UNC5C: variants seen among roughly 807,000 people sequenced by gnomAD.
UNC5C encodes unc-5 netrin receptor C, also known as netrin receptor UNC5C.
UNC5C carries 47 observed loss-of-function variants against 99.8 expected under a neutral mutation model. The ratio of observed to expected loss-of-function variants is 0.47; its 90% confidence interval spans 0.37 to 0.60. The LOEUF is 0.60. UNC5C is among the 20% of genes least tolerant of loss of function. The pLI is 0.00. For missense variants in UNC5C, 1,062 were observed against 1,165.9 expected (o/e 0.91, Z 1.30); for synonymous variants, 487 against 452.2 (o/e 1.08, Z -0.98).
chr4:95,222,282 A>T, intron 7 of UNC5C: 1 of 1,417,974 alleles, frequency 7.1e-7, no homozygotes, highest in Non-Finnish European at 9.3e-7. Flanking sequence ...AAAGAAAAAA[A>T]AATGAAACAA....
chr4:95,242,352 T>C, intron 7 of UNC5C, 77 bp downstream of exon 7: 1 of 1,559,998 alleles, frequency 6.4e-7, no homozygotes, highest in Non-Finnish European at 8.7e-7. Flanking sequence ...TCTTTATTTC[T>C]AATGTTTCCT....
chr4:95,534,206 T>C (rs1245091471), intron 1 of UNC5C, among the ~76,000 whole-genome samples: 1 of 152,184 alleles, frequency 6.6e-6, no homozygotes, highest in Admixed American at 6.5e-5. Context: ...ATAGACCTAC[T>C]TAAAGTGTTT....
At chr4:95,284,213 T>G (rs538836264) in intron 3 of UNC5C, among the ~76,000 whole-genome samples, 2 of 152,262 alleles carry the variant, frequency 1.3e-5, no homozygotes, top group Admixed American at 1.3e-4. Context: ...TAGCTCTGCT[T>G]TTTGACAAAA....
At chr4:95,412,994 G>A (rs1411883175) in intron 1 of UNC5C, among the ~76,000 whole-genome samples, 3 of 152,046 alleles carry the variant, frequency 2.0e-5, no homozygotes, top group Non-Finnish European at 4.4e-5. Flanking sequence ...TCACTTCTGC[G>A]AATTGAACAA....
chr4:95,458,578 G>A (rs539442106), intron 1 of UNC5C, among the ~76,000 whole-genome samples: 1 of 152,046 alleles, frequency 6.6e-6, no homozygotes, highest in East Asian at 1.9e-4. Context: ...TTGAAGAATG[G>A]AAAAGACTTC....
rs745651856 is a variant in UNC5C, at chr4:95,206,678, C to T, written c.1852G>A (p.Glu618Lys). The change falls in exon 11 of 16, where the codon GAG becomes AAG. Residue 618 changes from glutamate to lysine, a missense_variant. Physicochemically the swap from Glu to Lys is moderately conservative, Grantham distance 56. Coordinates refer to ENST00000453304, the MANE Select transcript of UNC5C (RefSeq NM_003728.4). ...TTCTTGAGCAGTATTTTCCAGTCCT[C>T]GGTATTGGGGTCTGCGCAGTGATGC... ...TMHHCADPNT[E>K]DWKILLKNQA... The T allele has an allele frequency of 5.1e-5, 82 of 1,613,976 alleles. No individual in the cohort carries two copies. In the Middle Eastern group the frequency reaches 6.6e-4, roughly 13 times the overall value.
At chr4:95,323,573 A>G (rs1468929910) in intron 2 of UNC5C, among the ~76,000 whole-genome samples, 1 of 152,206 alleles carries the variant, frequency 6.6e-6, no homozygotes, top group African/African-American at 2.4e-5. Context: ...AATGCTCAAA[A>G]GGGTAAAGAA....
intron 3 of UNC5C, among the ~76,000 whole-genome samples, chr4:95,296,848 C>A (rs1013449729): frequency 6.6e-6 from 1 of 152,188 alleles, no homozygotes; most frequent in African/African-American, 2.4e-5. Context: ...AAGTATTTTT[C>A]TTTATAATTA....
Position 95,330,901 on chromosome 4 carries a change from G to A in UNC5C, c.346+4509C>T, listed in dbSNP as rs189702850. ...ATAGTGGTAAAGTCAGGGCTTTTGG[G>A]GTATCCATCACCTGAATAACATACA... On this transcript the variant is annotated intron_variant, in intron 2 of 15. Transcript: ENST00000453304. Among the ~76,000 whole-genome samples, 418 of 151,768 alleles carry A rather than the reference G, an allele frequency of 2.8e-3. 1 individual carries two copies. Among genetic ancestry groups the A allele is most frequent in the African/African-American group, 9.7e-3 (400 of 41,382 alleles).
chr4:95,535,407 G>GA (rs1210389190), intron 1 of UNC5C, among the ~76,000 whole-genome samples: 7 of 152,122 alleles, frequency 4.6e-5, no homozygotes, highest in Non-Finnish European at 8.8e-5. Context: ...AACGTCAAGT[G>GA]AAAAATCATT....
At chr4:95,306,167 C>A (rs6532546) in intron 2 of UNC5C, among the ~76,000 whole-genome samples, 90,089 of 151,582 alleles carry the variant, frequency 0.59, 27,374 homozygotes, top group East Asian at 0.84. Flanking sequence ...CATTACTTAG[C>A]CTTAAGCTCT....
chr4:95,222,231 G>T, intron 7 of UNC5C: 1 of 1,500,828 alleles, frequency 6.7e-7, no homozygotes, highest in Non-Finnish European at 8.8e-7. Context: ...TATTCATTCT[G>T]GGTTCTCTGT....
intron 2 of UNC5C, among the ~76,000 whole-genome samples, chr4:95,334,472 C>A (rs932610993): frequency 1.3e-5 from 2 of 151,838 alleles, no homozygotes; most frequent in African/African-American, 4.8e-5. Context: ...AAATATATGT[C>A]AACATTACAA....
chr4:95,307,198 A>G (rs1398806274), intron 2 of UNC5C, among the ~76,000 whole-genome samples: 1 of 152,118 alleles, frequency 6.6e-6, no homozygotes, highest in Non-Finnish European at 1.5e-5. Flanking sequence ...CTACTATAGC[A>G]GGAAGACATT....
At chr4:95,425,842 T>C (rs1230014690) in intron 1 of UNC5C, among the ~76,000 whole-genome samples, 2 of 152,226 alleles carry the variant, frequency 1.3e-5, no homozygotes, top group Non-Finnish European at 2.9e-5. Flanking sequence ...ATTCATACCA[T>C]TAAGTACTGT....
intron 1 of UNC5C, among the ~76,000 whole-genome samples, chr4:95,533,828 A>G (rs1410878387): frequency 6.6e-6 from 1 of 152,236 alleles, no homozygotes; most frequent in Non-Finnish European, 1.5e-5. Context: ...ATAGCCTGAA[A>G]GAAGGGATTC....
chr4:95,191,658 G>A (rs1177638765), intron 12 of UNC5C, among the ~76,000 whole-genome samples: 3 of 140,542 alleles, frequency 2.1e-5, no homozygotes, highest in East Asian at 2.2e-4. Context: ...TCCTCTGTTC[G>A]CCGCCTCCTC....
In UNC5C at chr4:95,165,644, C is replaced by CT. The variant is rs1310647469; in HGVS notation, c.*3589dup. ...ATTCCCAAATTCAGCAGAAAAGAAG[C>CT]TGCTTTCTTCCCTTTGATTAACAAC... On this transcript the variant is annotated 3_prime_UTR_variant, in exon 16 of 16. Transcript: ENST00000453304. 6.6e-6 allele frequency: 1 copy of CT among 152,216 alleles called. No individual in the cohort carries two copies. The highest frequency in any genetic ancestry group is 1.5e-5 in the Non-Finnish European group (1 of 68,018). 9.4% of individuals were successfully genotyped at this position (152,216 alleles called of 1,614,324 possible).
At chr4:95,504,603 A>G (rs1298763096) in intron 1 of UNC5C, among the ~76,000 whole-genome samples, 1 of 152,084 alleles carries the variant, frequency 6.6e-6, no homozygotes, top group East Asian at 1.9e-4. Flanking sequence ...CAAGGAGAAA[A>G]TTCTTTTAAA....
Sources: allele counts gnomAD v4.1 joint callset (sites outside exome capture counted in the v4.1 genomes callset), GRCh38; gene constraint gnomAD v4.1.1; transcripts MANE v1.5; gene names NCBI Gene and HGNC (gene_info 2026-07-23, HGNC 2026-07-21).